The following CAMK1D variants were observed in gnomAD, a reference collection of about 807,000 sequenced individuals.
CAMK1D encodes the protein calcium/calmodulin dependent protein kinase ID.
In CAMK1D, 9 loss-of-function variants were observed where a neutral mutation model predicts 47.7. The ratio of observed to expected loss-of-function variants is 0.19; its 90% confidence interval spans 0.11 to 0.33. The LOEUF (loss-of-function observed/expected upper bound fraction) is 0.33. CAMK1D is among the 10% of genes least tolerant of loss of function. The pLI is 1.00. For missense variants in CAMK1D, 291 were observed against 488.7 expected (o/e 0.60, Z 3.81); for synonymous variants, 184 against 184.9 (o/e 0.99, Z 0.04).
At chr10:12,826,546 G>A (rs1244827977) in intron 10 of CAMK1D, among the ~76,000 whole-genome samples, 1 of 152,192 alleles carries the variant, frequency 6.6e-6, no homozygotes, top group Non-Finnish European at 1.5e-5. Context: ...TCCTCTCTCT[G>A]TGGAAATAAT....
intron 5 of CAMK1D, among the ~76,000 whole-genome samples, chr10:12,787,077 C>A (rs1376773336): frequency 6.6e-6 from 1 of 152,030 alleles, no homozygotes; most frequent in African/African-American, 2.4e-5. Flanking sequence ...GAATTGAGAT[C>A]GTGCCACTGC....
intron 1 of CAMK1D, among the ~76,000 whole-genome samples, chr10:12,515,570 C>G (rs981448268): frequency 2.5e-5 from 2 of 81,008 alleles, no homozygotes; most frequent in African/African-American, 9.7e-5. Flanking sequence ...CCTCCCCCCT[C>G]CCCCGACCCC....
At chr10:12,827,311 C>CTTGTCTTTCTTTCT (rs1833257072) in intron 10 of CAMK1D, among the ~76,000 whole-genome samples, 6 of 123,532 alleles carry the variant, frequency 4.9e-5, no homozygotes, top group Non-Finnish European at 9.9e-5. Context: ...CTCTCTTTTT[C>CTTGTCTTTCTTTCT]TTTTCTTTCT....
intron 2 of CAMK1D, among the ~76,000 whole-genome samples, chr10:12,664,107 C>G (rs1840356211): frequency 6.6e-6 from 1 of 152,208 alleles, no homozygotes; most frequent in Non-Finnish European, 1.5e-5. Context: ...CCATTCAGGG[C>G]TCTGCTTTCT....
At chr10:12,586,244 C>T (rs1384334203) in intron 2 of CAMK1D, among the ~76,000 whole-genome samples, 1 of 151,992 alleles carries the variant, frequency 6.6e-6, no homozygotes, top group Non-Finnish European at 1.5e-5. Context: ...AGCAGTCTAA[C>T]ACAAAACTAT....
intron 6 of CAMK1D, among the ~76,000 whole-genome samples, chr10:12,799,662 G>A (rs1420756745): frequency 6.6e-6 from 1 of 152,144 alleles, no homozygotes; most frequent in Non-Finnish European, 1.5e-5. Context: ...CCAGGTGTGC[G>A]CTCAGTTTCA....
At chr10:12,710,972 G>C (rs1833916641) in intron 3 of CAMK1D, among the ~76,000 whole-genome samples, 1 of 152,166 alleles carries the variant, frequency 6.6e-6, no homozygotes, top group Non-Finnish European at 1.5e-5. Flanking sequence ...GGTGGATTAA[G>C]GTTTTGAATG....
At chr10:12,500,928 T>C (rs1834682947) in intron 1 of CAMK1D, among the ~76,000 whole-genome samples, 1 of 152,240 alleles carries the variant, frequency 6.6e-6, no homozygotes, top group Non-Finnish European at 1.5e-5. Flanking sequence ...CAGTGCAGCC[T>C]CACAATCACC....
rs5783266 is a variant in CAMK1D at position 12,415,455 on chromosome 10, A to ATTTT, written c.92+65566_92+65569dup. Among the ~76,000 whole-genome samples, 120 of 93,130 alleles carry ATTTT rather than the reference A, an allele frequency of 1.3e-3. 3 individuals carry two copies. The East Asian group carries it at 0.026, about 20-fold the overall frequency. The allele number at this position is 93,130 out of a possible 152,430, so 61.1% of individuals were successfully genotyped here. ...AGGCACCCACCACCACGCCTGGCTA[A>ATTTT]TTTTTTTTTTTTTTTTTTTTTTTTA... On this transcript the variant is annotated intron_variant, in intron 1 of 10. Coordinates refer to ENST00000619168, the MANE Select transcript of CAMK1D (RefSeq NM_153498.4).
At chr10:12,746,074 G>T (rs936819483) in intron 3 of CAMK1D, among the ~76,000 whole-genome samples, 4 of 152,136 alleles carry the variant, frequency 2.6e-5, no homozygotes, top group Non-Finnish European at 5.9e-5. Context: ...TCCTGATGCC[G>T]ACTGTATTTG....
chr10:12,513,588 C>G (rs910132579), intron 1 of CAMK1D, among the ~76,000 whole-genome samples: 6 of 152,018 alleles, frequency 3.9e-5, no homozygotes, highest in African/African-American at 9.7e-5. Flanking sequence ...GAGTTCGAGA[C>G]CAGCCTGGGC....
intron 3 of CAMK1D, among the ~76,000 whole-genome samples, chr10:12,707,528 C>T (rs1457143912): frequency 6.6e-6 from 1 of 152,056 alleles, no homozygotes; most frequent in Non-Finnish European, 1.5e-5. Context: ...CCAAAGCCTG[C>T]GGAGGAAGGA....
At chr10:12,750,310 C>G (rs565697796) in intron 3 of CAMK1D, among the ~76,000 whole-genome samples, 1 of 151,816 alleles carries the variant, frequency 6.6e-6, no homozygotes, top group East Asian at 1.9e-4. Context: ...GTGCATATCA[C>G]TCACTCACTC....
chr10:12,583,494 G>A (rs1290896094), intron 2 of CAMK1D, among the ~76,000 whole-genome samples: 6 of 152,168 alleles, frequency 3.9e-5, no homozygotes, highest in Non-Finnish European at 8.8e-5. Context: ...GAATAGGGTT[G>A]AGTGTCCCTG....
chr10:12,662,651 CAAA>C (rs56807588), intron 2 of CAMK1D, among the ~76,000 whole-genome samples: 3 of 140,388 alleles, frequency 2.1e-5, no homozygotes, highest in Admixed American at 7.0e-5. Context: ...CACTCTGCCT[CAAA>C]AAAAAAAAAA....
chr10:12,834,642 T>A lies in CAMK1D; in HGVS notation c.*5755T>A, dbSNP rs1332156623. 6.6e-6 allele frequency: 1 copy of A among 152,194 alleles called. No individual in the cohort carries two copies. The highest frequency in any genetic ancestry group is 1.5e-5 in the Non-Finnish European group (1 of 68,030). 9.4% of individuals were successfully genotyped at this position (152,194 alleles called of 1,614,324 possible). The stretch of plus-strand genomic sequence containing the variant: ...GAACTTCTCATTCGATTATTATGTC[T>A]TCTGATGATTTGCCATGTTATTTTA... On this transcript the variant is annotated 3_prime_UTR_variant, in exon 11 of 11. Transcript: ENST00000619168.
intron 3 of CAMK1D, among the ~76,000 whole-genome samples, chr10:12,693,963 T>C (rs1431100352): frequency 1.3e-4 from 5 of 37,096 alleles, no homozygotes; most frequent in Middle Eastern, 0.019. Context: ...ATATTATATA[T>C]AAAATATATA....
rs150920022 is a variant in CAMK1D, at chr10:12,637,966, G to A, written c.225-28770G>A. On this transcript the variant is annotated intron_variant, in intron 2 of 10. Coordinates refer to ENST00000619168, the MANE Select transcript of CAMK1D (RefSeq NM_153498.4). ...TGTAGCCTCATCCTATCCACAGCCC[G>A]GCCCGGTAGCCTCATCCTATCCCCA... is the stretch of plus-strand genomic sequence containing the variant. Among the ~76,000 whole-genome samples, 221 of 152,224 alleles carry A rather than the reference G, an allele frequency of 1.5e-3. 2 individuals carry two copies. The highest frequency in any genetic ancestry group is 4.5e-3 in the African/African-American group (185 of 41,538).
chr10:12,693,660 T>G (rs1397628223), intron 3 of CAMK1D, among the ~76,000 whole-genome samples: 1 of 151,216 alleles, frequency 6.6e-6, no homozygotes, highest in Non-Finnish European at 1.5e-5. Flanking sequence ...TGCCTGAGTT[T>G]CCAGCCTACC....
Sources: allele counts gnomAD v4.1 joint callset (sites outside exome capture counted in the v4.1 genomes callset), GRCh38; gene constraint gnomAD v4.1.1; transcripts MANE v1.5; gene names NCBI Gene and HGNC (gene_info 2026-07-23, HGNC 2026-07-21).